Variants in GPC6 observed in about 807,000 individuals in gnomAD.
GPC6 encodes the protein glypican 6.
Under a neutral mutation model 55.2 loss-of-function variants are expected in GPC6, and 14 were observed. The ratio of observed to expected loss-of-function variants is 0.25; its 90% CI spans 0.17 to 0.40. The LOEUF (loss-of-function observed/expected upper bound fraction) is 0.40, where lower values mean the gene tolerates loss of function less well. GPC6 is among the 10% of genes least tolerant of loss of function. The pLI is 1.00. For missense variants in GPC6, 641 were observed against 708.5 expected (o/e 0.90, Z 1.08); for synonymous variants, 278 against 259.6 (o/e 1.07, Z -0.68).
At chr13:93,567,228 GAC>G (rs1378878992) in intron 2 of GPC6, among the ~76,000 whole-genome samples, 1 of 152,060 alleles carries the variant, frequency 6.6e-6, no homozygotes, top group African/African-American at 2.4e-5. Context: ...TGCTGTAATA[GAC>G]ACACAGGCCA....
intron 1 of GPC6, among the ~76,000 whole-genome samples, chr13:93,349,531 C>T (rs553942845): frequency 1.3e-5 from 2 of 152,196 alleles, no homozygotes; most frequent in East Asian, 3.9e-4. Context: ...GCCAGGCTGA[C>T]TATGTAGGCT....
intron 1 of GPC6, among the ~76,000 whole-genome samples, chr13:93,309,315 T>G (rs560082805): frequency 6.6e-6 from 1 of 152,298 alleles, no homozygotes; most frequent in Non-Finnish European, 1.5e-5. Context: ...AAACATTTAT[T>G]TCACTATAAT....
At chr13:93,545,695 T>G (rs1874751831) in intron 2 of GPC6, among the ~76,000 whole-genome samples, 2 of 152,266 alleles carry the variant, frequency 1.3e-5, no homozygotes, top group Non-Finnish European at 2.9e-5. Context: ...AAGTTTTCAT[T>G]ATTAGAGGAA....
rs1378616963 is a variant in GPC6, at chr13:94,382,503, G to A, written c.1242G>A (p.Ala414=). 2.2e-5 allele frequency: 35 copies of A among 1,614,028 alleles called. No homozygotes were observed. Among genetic ancestry groups the A allele is most frequent in the Admixed American group, 3.3e-5 (2 of 60,000 alleles). Residue 414 remains alanine (A), a synonymous_variant, in exon 7 of 9, where the codon GCG becomes GCA. Coordinates refer to ENST00000377047, the MANE Select transcript of GPC6 (RefSeq NM_005708.5). ...YTICKDESVT[A]GTSNEEECWN... ...TCTGCAAGGACGAGAGCGTGACAGC[G>A]GGCACGTCCAACGAGGAGGAATGCT...
chr13:93,373,088 CA>C (rs1874742784), intron 1 of GPC6, among the ~76,000 whole-genome samples: 1 of 152,268 alleles, frequency 6.6e-6, no homozygotes, highest in Non-Finnish European at 1.5e-5. Context: ...TATAATAGTA[CA>C]AAAGTGACAT....
At chr13:93,732,771 A>T (rs1245131619) in intron 2 of GPC6, among the ~76,000 whole-genome samples, 1 of 152,096 alleles carries the variant, frequency 6.6e-6, no homozygotes, top group African/African-American at 2.4e-5. Context: ...GATGCAAGTC[A>T]TGTGTGTGAT....
chr13:93,262,995 AT>A (rs1877203038), intron 1 of GPC6, among the ~76,000 whole-genome samples: 4 of 152,192 alleles, frequency 2.6e-5, no homozygotes, highest in African/African-American at 9.6e-5. Context: ...TGCTAGCTTT[AT>A]GGGTTTTTTT....
In GPC6 at chr13:94,263,501, A is replaced by G. The variant is rs950196121; in HGVS notation, c.878-22848A>G. ...ACCCCTGTGCCTCTGCTTTCGATCA[A>G]TTTTTCTCTTCTATCCCAGTAACAT... is the stretch of plus-strand genomic sequence containing the variant. On this transcript the variant is annotated intron_variant, in intron 4 of 8. Coordinates refer to ENST00000377047, the MANE Select transcript of GPC6 (RefSeq NM_005708.5). Among the ~76,000 whole-genome samples, 8 of 152,108 alleles carry G rather than the reference A, an allele frequency of 5.3e-5. No homozygotes were observed. In the East Asian group the frequency reaches 7.7e-4, roughly 15 times the overall value.
intron 2 of GPC6, among the ~76,000 whole-genome samples, chr13:93,760,289 G>A (rs901575904): frequency 2.6e-5 from 4 of 152,128 alleles, no homozygotes; most frequent in Non-Finnish European, 2.9e-5. Flanking sequence ...ATGTTAAGCC[G>A]CTTCTCAGGA....
chr13:93,699,450 C>T (rs997387812), intron 2 of GPC6, among the ~76,000 whole-genome samples: 1 of 152,064 alleles, frequency 6.6e-6, no homozygotes, highest in Non-Finnish European at 1.5e-5. Context: ...GCTTCTTCAT[C>T]CATGTGACAC....
At chr13:94,089,064 T>C (rs1345984842) in intron 4 of GPC6, among the ~76,000 whole-genome samples, 1 of 152,178 alleles carries the variant, frequency 6.6e-6, no homozygotes, top group Non-Finnish European at 1.5e-5. Context: ...ATAAAGGACA[T>C]GAAAGTTGGC....
chr13:93,220,501 C>T, the GPC6 span, among the ~76,000 whole-genome samples: 1 of 152,130 alleles, frequency 6.6e-6, no homozygotes, highest in Non-Finnish European at 1.5e-5. Context: ...CAAGTTTATT[C>T]ATTTGTGATA....
chr13:93,368,991 C>T (rs1444061616), intron 1 of GPC6, among the ~76,000 whole-genome samples: 1 of 151,938 alleles, frequency 6.6e-6, no homozygotes, highest in African/African-American at 2.4e-5. Context: ...ATATGGCCTT[C>T]ACTGGCACCA....
intron 1 of GPC6, among the ~76,000 whole-genome samples, chr13:93,487,160 T>A (rs1194195699): frequency 6.6e-6 from 1 of 152,208 alleles, no homozygotes; most frequent in East Asian, 1.9e-4. Context: ...TTTCATAACA[T>A]CACAGTCCAA....
intron 1 of GPC6, among the ~76,000 whole-genome samples, chr13:93,397,958 T>C (rs1317150522): frequency 6.6e-6 from 1 of 152,204 alleles, no homozygotes; most frequent in East Asian, 1.9e-4. Flanking sequence ...AGGGATTATA[T>C]GAAACTAAGC....
chr13:93,303,488 A>G (rs541380090), intron 1 of GPC6, among the ~76,000 whole-genome samples: 1 of 152,140 alleles, frequency 6.6e-6, no homozygotes, highest in Non-Finnish European at 1.5e-5. Context: ...GGTTTTTGAG[A>G]TTATCAAATG....
chr13:94,010,655 A>G (rs1268829219), intron 3 of GPC6, among the ~76,000 whole-genome samples: 2 of 152,200 alleles, frequency 1.3e-5, no homozygotes, highest in African/African-American at 4.8e-5. Context: ...TGTGCACAAC[A>G]AAGTTCTTGG....
chr13:93,643,313 G>A (rs939578889), intron 2 of GPC6, among the ~76,000 whole-genome samples: 3 of 152,054 alleles, frequency 2.0e-5, no homozygotes, highest in Non-Finnish European at 4.4e-5. Context: ...AGGCAGAGTA[G>A]GGGGGTTCAA....
chr13:93,815,444 G>A, intron 2 of GPC6, among the ~76,000 whole-genome samples: 1 of 152,050 alleles, frequency 6.6e-6, no homozygotes, highest in Non-Finnish European at 1.5e-5. Flanking sequence ...ATTTTAACAT[G>A]ATGAAAAATG....
Sources: gnomAD v4.1 joint callset for allele counts (sites outside exome capture counted in the v4.1 genomes callset) on GRCh38, gnomAD v4.1.1 for gene constraint, MANE v1.5 for transcripts, NCBI Gene and HGNC (gene_info 2026-07-23, HGNC 2026-07-21) for gene names.